Variants in DMD observed in about 807,000 individuals in gnomAD.
The protein encoded by DMD is mutant dystrophin.
Under a neutral mutation model 330.1 loss-of-function variants are expected in DMD, and 63 were observed. The observed-to-expected ratio is 0.19, with a 90% CI of 0.16 to 0.24. The LOEUF is 0.24. DMD is among the 10% of genes least tolerant of loss of function. The pLI, the probability that DMD is intolerant of heterozygous loss-of-function variation, is 1.00. For synonymous variants in DMD, 1,223 were observed against 959.8 expected (o/e 1.27, Z -5.07); for missense variants, 3,344 against 2,684.1 (o/e 1.25, Z -5.43).
intron 11 of DMD, among the ~76,000 whole-genome samples, chrX:32,619,571 A>G (rs756935070): frequency 8.9e-6 from 1 of 111,999 alleles, no homozygotes; most frequent in Non-Finnish European, 1.9e-5. Context: ...TGAATATACA[A>G]TTTTATCTGT....
At chrX:32,823,241 T>C (rs1347490160) in intron 5 of DMD, 54 bp downstream of exon 5, 3 of 1,038,728 alleles carry the variant, frequency 2.9e-6, no homozygotes, top group East Asian at 6.1e-5. Context: ...AGGGTAAAAA[T>C]TAAAAAACAA....
At chrX:32,424,585 A>G (rs765931990) in intron 29 of DMD, among the ~76,000 whole-genome samples, 3 of 111,291 alleles carry the variant, frequency 2.7e-5, no homozygotes, top group Non-Finnish European at 5.7e-5. Context: ...TTATGCAGTA[A>G]CTCATGCTTA....
At chrX:32,884,427 C>G (rs2084327175) in intron 2 of DMD, among the ~76,000 whole-genome samples, 2 of 112,026 alleles carry the variant, frequency 1.8e-5, no homozygotes, top group African/African-American at 6.5e-5. Context: ...TGAGCCCTTA[C>G]TATGGGCCAG....
chrX:33,245,593 C>A (rs2052652258), intron 1 of DMD, among the ~76,000 whole-genome samples: 1 of 112,007 alleles, frequency 8.9e-6, no homozygotes. Flanking sequence ...GGGCCTCAGT[C>A]TAGAGAACTG....
chrX:32,760,002 TG>T (rs1241336697), intron 7 of DMD, among the ~76,000 whole-genome samples: 2 of 112,328 alleles, frequency 1.8e-5, no homozygotes, highest in African/African-American at 6.5e-5. Context: ...GAAAAATACA[TG>T]GAATCAGAAG....
intron 50 of DMD, among the ~76,000 whole-genome samples, chrX:31,795,499 C>T (rs937971621): frequency 3.3e-4 from 37 of 111,477 alleles, no homozygotes; most frequent in African/African-American, 1.2e-3. Flanking sequence ...TCAAAGCTGA[C>T]GCAGAGAAAA....
chrX:31,406,840 A>G (rs1484957831), intron 60 of DMD, among the ~76,000 whole-genome samples: 1 of 111,628 alleles, frequency 9.0e-6, no homozygotes, highest in African/African-American at 3.3e-5. Flanking sequence ...TGTAAAAGAA[A>G]GGAGTAGCAG....
chrX:32,826,451 A>G (rs182610318), intron 4 of DMD, among the ~76,000 whole-genome samples: 2 of 111,758 alleles, frequency 1.8e-5, no homozygotes. Context: ...CCATCAGTAG[A>G]TGAAAGAATA....
chrX:32,120,530 C>T (rs2096630407), intron 44 of DMD, among the ~76,000 whole-genome samples: 1 of 112,161 alleles, frequency 8.9e-6, no homozygotes, highest in Admixed American at 9.4e-5. Flanking sequence ...CAGTCTACAG[C>T]CTTTATCAAG....
intron 11 of DMD, among the ~76,000 whole-genome samples, chrX:32,618,507 T>C (rs1418352470): frequency 9.0e-6 from 1 of 110,687 alleles, no homozygotes. Flanking sequence ...ATGGGGCCTA[T>C]TGGAGTTTGG....
chrX:32,210,835 G>A (rs1406589425), intron 44 of DMD, among the ~76,000 whole-genome samples: 1 of 111,539 alleles, frequency 9.0e-6, no homozygotes, highest in Non-Finnish European at 1.9e-5. Flanking sequence ...CTGAAAGCAA[G>A]GCGAGAAGAA....
At chrX:32,760,126 C>G (rs775220654) in intron 7 of DMD, among the ~76,000 whole-genome samples, 6 of 111,904 alleles carry the variant, frequency 5.4e-5, no homozygotes, top group African/African-American at 9.7e-5. Context: ...ATCCCCCCAA[C>G]TATTACTATT....
intron 74 of DMD, among the ~76,000 whole-genome samples, chrX:31,158,639 C>T (rs996383392): frequency 1.8e-5 from 2 of 111,758 alleles, no homozygotes; most frequent in South Asian, 7.5e-4. Context: ...TGGGTAACTC[C>T]TATGGTACGA....
At chrX:32,123,593 A>G (rs1205704108) in intron 44 of DMD, among the ~76,000 whole-genome samples, 1 of 111,410 alleles carries the variant, frequency 9.0e-6, no homozygotes, top group Non-Finnish European at 1.9e-5. Flanking sequence ...CCTCGAAGTA[A>G]AATAAATTCC....
chrX:32,825,889 A>G (rs746977231), intron 4 of DMD, among the ~76,000 whole-genome samples: 26 of 111,873 alleles, frequency 2.3e-4, no homozygotes, highest in African/African-American at 8.1e-4. Flanking sequence ...TCGTTTAATC[A>G]GTATGAATTC....
At chrX:32,539,833 A>G (rs766983700) in intron 17 of DMD, among the ~76,000 whole-genome samples, 142 of 111,750 alleles carry the variant, frequency 1.3e-3, no homozygotes, top group Non-Finnish European at 1.5e-3. Context: ...AGATCAGTCA[A>G]TTTATCCTCC....
chrX:31,497,055 T>C, intron 56 of DMD, 111 bp from the exon 57 acceptor site: 1 of 989,573 alleles, frequency 1.0e-6, no homozygotes, highest in Non-Finnish European at 1.4e-6. Context: ...CAAAGCAGTC[T>C]TGAATAAAAA....
At chrX:32,427,244 G>T (rs2098216785) in intron 29 of DMD, among the ~76,000 whole-genome samples, 1 of 111,371 alleles carries the variant, frequency 9.0e-6, no homozygotes, top group Non-Finnish European at 1.9e-5. Context: ...TAACAGAGGT[G>T]GAGAAAACGG....
chrX:32,870,970 A>C lies in DMD; in HGVS notation c.94-21150T>G, dbSNP rs1275342820. Reference sequence around the variant, plus strand: ...GGCTTCTGTACAGCAAAAAAAAAAAAAAAAAAAAAAAAAAAAAACCACAAA... The same window carrying C: ...GGCTTCTGTACAGCAAAAAAAAAAACAAAAAAAAAAAAAAAAAACCACAAA... On this transcript the variant is annotated intron_variant, in intron 2 of 78. Transcript: ENST00000357033. 7.1e-5 allele frequency among the ~76,000 whole-genome samples: 5 copies of C among 70,413 alleles called. No individual in the cohort carries two copies. The South Asian group carries it at 3.9e-3, about 55-fold the overall frequency. The allele number at this position is 70,413 out of a possible 115,157, so 61.1% of individuals were successfully genotyped here.
Sources: allele counts gnomAD v4.1 joint callset (sites outside exome capture counted in the v4.1 genomes callset), GRCh38; gene constraint gnomAD v4.1.1; transcripts MANE v1.5; gene names NCBI Gene and HGNC (gene_info 2026-07-23, HGNC 2026-07-21).